The following TGFBR3 variants were observed in gnomAD, a reference collection of about 807,000 sequenced individuals.
TGFBR3 encodes transforming growth factor beta receptor type 3.
TGFBR3 carries 46 observed loss-of-function variants against 87.9 expected under a neutral mutation model. That is an observed-to-expected ratio of 0.52 (90% CI 0.41 to 0.67). The LOEUF (loss-of-function observed/expected upper bound fraction) is 0.67. TGFBR3 is among the 30% of genes least tolerant of loss of function. TGFBR3 has a pLI of 0.00. For synonymous variants in TGFBR3, 381 were observed against 391.6 expected, an observed-to-expected ratio of 0.97 and a Z score of 0.32; for missense variants, 866 against 1,041.9, an observed-to-expected ratio of 0.83 and a Z score of 2.32.
chr1:91,726,833 A>G (rs997939767), intron 7 of TGFBR3, among the ~76,000 whole-genome samples: 1 of 151,436 alleles, frequency 6.6e-6, no homozygotes, highest in African/African-American at 2.4e-5. Context: ...CCCATAGAAG[A>G]GATACTAAAG....
intron 2 of TGFBR3, among the ~76,000 whole-genome samples, chr1:91,820,236 G>C (rs988998731): frequency 2.6e-5 from 4 of 152,020 alleles, no homozygotes; most frequent in African/African-American, 9.7e-5. Context: ...TCTCTCTAAA[G>C]GCATTACATC....
At chr1:91,763,834 T>C (rs988565365) in intron 3 of TGFBR3, among the ~76,000 whole-genome samples, 1 of 152,290 alleles carries the variant, frequency 6.6e-6, no homozygotes, top group East Asian at 1.9e-4. Flanking sequence ...GAACAGTATT[T>C]ACTTAGTTGC....
intron 1 of TGFBR3, among the ~76,000 whole-genome samples, chr1:91,870,955 G>C (rs1678561494): frequency 6.6e-6 from 1 of 151,888 alleles, no homozygotes; most frequent in Non-Finnish European, 1.5e-5. Flanking sequence ...GGGATCACTT[G>C]AGCCCAGAAG....
At chr1:91,775,531 A>C (rs925063901) in intron 3 of TGFBR3, among the ~76,000 whole-genome samples, 28 of 152,194 alleles carry the variant, frequency 1.8e-4, no homozygotes, top group African/African-American at 6.8e-4. Flanking sequence ...AACCACCCTA[A>C]CAACCAACTC....
rs78852509 is a variant in TGFBR3, at chr1:91,749,363, A to T, written c.384+9250T>A. On this transcript the variant is annotated intron_variant, in intron 4 of 16. Coordinates refer to ENST00000212355, the MANE Select transcript of TGFBR3 (RefSeq NM_003243.5). The stretch of plus-strand genomic sequence containing the variant: ...AGTGGGACAAGGCAGAGGCAAACCA[A>T]TGGTGACTCCCTAGCACAGTGGCAT... Among the ~76,000 whole-genome samples, 94 of 152,300 alleles carry T rather than the reference A, an allele frequency of 6.2e-4. 1 individual carries two copies. The East Asian group carries it at 0.015, about 25-fold the overall frequency.
At chr1:91,776,056 T>C (rs976732440) in intron 3 of TGFBR3, among the ~76,000 whole-genome samples, 7 of 152,230 alleles carry the variant, frequency 4.6e-5, no homozygotes, top group African/African-American at 1.2e-4. Flanking sequence ...TCTTCACCTA[T>C]AGATGACAGC....
chr1:91,845,417 C>T (rs1305291135), intron 2 of TGFBR3, among the ~76,000 whole-genome samples: 2 of 152,176 alleles, frequency 1.3e-5, no homozygotes, highest in African/African-American at 2.4e-5. Context: ...TTATATAACA[C>T]TCAATTGGCT....
At chr1:91,896,378 T>C (rs1679551786) in intron 2 of TGFBR3, among the ~76,000 whole-genome samples, 1 of 152,206 alleles carries the variant, frequency 6.6e-6, no homozygotes, top group South Asian at 2.1e-4. Flanking sequence ...GATGCACCTC[T>C]AGGGCTCAAT....
intron 12 of TGFBR3, among the ~76,000 whole-genome samples, chr1:91,715,028 A>C (rs760746546): frequency 6.6e-6 from 1 of 152,188 alleles, no homozygotes; most frequent in African/African-American, 2.4e-5. Context: ...CTTTTAACAT[A>C]TGGAAGTACC....
chr1:91,719,555 G>T, intron 9 of TGFBR3, 91 bp from the exon 10 acceptor site: 1 of 1,542,904 alleles, frequency 6.5e-7, no homozygotes. Context: ...GGTCTTCCAA[G>T]GACAGGCGAT....
chr1:91,792,328 C>T lies in TGFBR3; in HGVS notation c.246+4959G>A, dbSNP rs531651866. 4.6e-5 allele frequency among the ~76,000 whole-genome samples: 7 copies of T among 152,264 alleles called. No individual in the cohort carries two copies. In the South Asian group the frequency reaches 6.2e-4, roughly 14 times the overall value. ...GCTCATAGGGTTATGAGCTTTTTGA[C>T]GGGTGAAGTTATTAAACCTGGCCCC... On this transcript the variant is annotated intron_variant, in intron 3 of 16. Coordinates refer to ENST00000212355, the MANE Select transcript of TGFBR3 (RefSeq NM_003243.5).
intron 4 of TGFBR3, among the ~76,000 whole-genome samples, chr1:91,747,656 A>G (rs1276512300): frequency 6.6e-6 from 1 of 151,404 alleles, no homozygotes; most frequent in Admixed American, 6.6e-5. Flanking sequence ...CAGCTATGCA[A>G]TCAAACACTC....
At chr1:91,853,466 A>T (rs941790516) in intron 2 of TGFBR3, among the ~76,000 whole-genome samples, 1 of 152,110 alleles carries the variant, frequency 6.6e-6, no homozygotes, top group African/African-American at 2.4e-5. Flanking sequence ...ACTATGGCAG[A>T]ACCACCTCTG....
intron 2 of TGFBR3, among the ~76,000 whole-genome samples, chr1:91,837,001 T>G (rs960338511): frequency 6.6e-6 from 1 of 152,156 alleles, no homozygotes; most frequent in Non-Finnish European, 1.5e-5. Context: ...TACTACTGGC[T>G]TCCCCTCCCT....
chr1:91,865,695 G>C (rs530855142), intron 1 of TGFBR3, among the ~76,000 whole-genome samples: 1 of 152,046 alleles, frequency 6.6e-6, no homozygotes. Context: ...GGTGGATCAC[G>C]AGGTCAGGAG....
chr1:91,896,179 C>T lies in TGFBR3; in HGVS notation c.-114+3458G>A, dbSNP rs138266880. On this transcript the variant is annotated intron_variant, in intron 2 of 17. Transcript: ENST00000370399. Reference sequence around the variant, plus strand: ...CTCCCTGTGTAAGCTCCACAGTACACTATAAGCACCATGAAGGCAGGGGCC... The same window carrying T: ...CTCCCTGTGTAAGCTCCACAGTACATTATAAGCACCATGAAGGCAGGGGCC... 4.3e-3 allele frequency among the ~76,000 whole-genome samples: 656 copies of T among 152,322 alleles called. 3 individuals are homozygous for T. Among genetic ancestry groups the T allele is most frequent in the African/African-American group, 0.015 (606 of 41,564 alleles).
At chr1:91,836,083 A>G (rs1677054014) in intron 2 of TGFBR3, among the ~76,000 whole-genome samples, 1 of 151,462 alleles carries the variant, frequency 6.6e-6, no homozygotes, top group Non-Finnish European at 1.5e-5. Flanking sequence ...CCCTATCTCT[A>G]CTAAAAATAC....
At chr1:91,831,320 G>T (rs188546073) in intron 2 of TGFBR3, among the ~76,000 whole-genome samples, 1 of 152,280 alleles carries the variant, frequency 6.6e-6, no homozygotes, top group East Asian at 1.9e-4. Flanking sequence ...AAATAGAAGT[G>T]AGCATAAACG....
chr1:91,875,910 C>CAAAAAAAAAAAAAAAAAAAAA (rs34185299), intron 1 of TGFBR3, among the ~76,000 whole-genome samples: 3 of 64,148 alleles, frequency 4.7e-5, no homozygotes, highest in Admixed American at 1.9e-4. Context: ...GACTCCGTCT[C>CAAAAAAAAAAAAAAAAAAAAA]AAAAAAAAAA....
Sources: allele counts gnomAD v4.1 joint callset (sites outside exome capture counted in the v4.1 genomes callset), GRCh38; gene constraint gnomAD v4.1.1; transcripts MANE v1.5; gene names NCBI Gene and HGNC (gene_info 2026-07-23, HGNC 2026-07-21).